The following ST8SIA4 variants were observed in gnomAD, a reference collection of about 807,000 sequenced individuals.
ST8SIA4 encodes the protein ST8 alpha-N-acetyl-neuraminide alpha-2,8-sialyltransferase 4.
In ST8SIA4, 15 loss-of-function variants were observed where a neutral mutation model predicts 33.9. The ratio of observed to expected loss-of-function variants is 0.44; its 90% confidence interval spans 0.30 to 0.68. The LOEUF is 0.68. Ranked by LOEUF, ST8SIA4 falls within the 30% of genes least tolerant of loss-of-function variation. ST8SIA4 has a pLI of 0.10. For missense variants in ST8SIA4, 321 were observed against 428.0 expected, an observed-to-expected ratio of 0.75 and a Z score of 2.21; for synonymous variants, 171 against 151.2, an observed-to-expected ratio of 1.13 and a Z score of -0.96.
chr5:100,869,795 G>A (rs944784981), intron 3 of ST8SIA4, among the ~76,000 whole-genome samples: 2 of 152,034 alleles, frequency 1.3e-5, no homozygotes, highest in African/African-American at 4.8e-5. Context: ...TTTTCCCCTT[G>A]AATGTTCTTT....
At chr5:100,872,162 T>C (rs1268138483) in intron 3 of ST8SIA4, among the ~76,000 whole-genome samples, 2 of 152,082 alleles carry the variant, frequency 1.3e-5, no homozygotes, top group Admixed American at 6.6e-5. Context: ...AGGTTTTTCT[T>C]GGAAGTTATA....
At chr5:100,876,774 T>C (rs1405241739) in intron 3 of ST8SIA4, among the ~76,000 whole-genome samples, 4 of 152,052 alleles carry the variant, frequency 2.6e-5, no homozygotes, top group Admixed American at 6.6e-5. Flanking sequence ...TATATGTACA[T>C]GAGACCTAAA....
chr5:100,867,095 T>G (rs1037425906), intron 3 of ST8SIA4, among the ~76,000 whole-genome samples: 1 of 152,094 alleles, frequency 6.6e-6, no homozygotes, highest in Admixed American at 6.5e-5. Context: ...TTCTTAAAAT[T>G]GCACATAGAA....
intron 4 of ST8SIA4, among the ~76,000 whole-genome samples, chr5:100,836,459 A>G (rs1265469296): frequency 6.6e-6 from 1 of 151,968 alleles, no homozygotes; most frequent in Non-Finnish European, 1.5e-5. Context: ...GAGATTTGTC[A>G]TTAGGTACGG....
intron 4 of ST8SIA4, among the ~76,000 whole-genome samples, chr5:100,851,950 ATTAAT>A (rs1204642520): frequency 2.0e-5 from 3 of 151,866 alleles, no homozygotes; most frequent in African/African-American, 4.8e-5. Context: ...TAAAACTGTC[ATTAAT>A]TTAAACAGGT....
At chr5:100,847,654 T>C (rs770729040) in intron 4 of ST8SIA4, among the ~76,000 whole-genome samples, 24 of 152,242 alleles carry the variant, frequency 1.6e-4, no homozygotes, top group Middle Eastern at 3.4e-3. Flanking sequence ...TAAAAAATAT[T>C]CTACCAAAGC....
At chr5:100,819,033 G>T (rs889933239) in intron 4 of ST8SIA4, among the ~76,000 whole-genome samples, 1 of 152,080 alleles carries the variant, frequency 6.6e-6, no homozygotes, top group Non-Finnish European at 1.5e-5. Flanking sequence ...TAGTGAATAC[G>T]TAACTCTCAT....
chr5:100,815,025 A>G (rs1296562758), intron 4 of ST8SIA4, among the ~76,000 whole-genome samples: 3 of 152,036 alleles, frequency 2.0e-5, no homozygotes, highest in Non-Finnish European at 2.9e-5. Context: ...GCATTGATAA[A>G]ATAATGGAAT....
At chr5:100,835,925 C>CA (rs1210066341) in intron 4 of ST8SIA4, among the ~76,000 whole-genome samples, 1 of 152,076 alleles carries the variant, frequency 6.6e-6, no homozygotes, top group Non-Finnish European at 1.5e-5. Context: ...CAAGGTAAGG[C>CA]ATAATAAGAT....
At chr5:100,866,611 C>A (rs1009945586) in intron 3 of ST8SIA4, among the ~76,000 whole-genome samples, 2 of 144,572 alleles carry the variant, frequency 1.4e-5, no homozygotes, top group Admixed American at 7.0e-5. Flanking sequence ...CACACACACA[C>A]AAATACATAT....
chr5:100,902,743 A>C (rs1411611620), intron 1 of ST8SIA4, 100 bp downstream of exon 1: 1 of 1,050,136 alleles, frequency 9.5e-7, no homozygotes, highest in African/African-American at 1.6e-5. Context: ...AAGCTCAAAC[A>C]AACACACATG....
chr5:100,902,732 C>T, intron 1 of ST8SIA4, 111 bp downstream of exon 1: 1 of 931,800 alleles, frequency 1.1e-6, no homozygotes, highest in Non-Finnish European at 1.7e-6. Flanking sequence ...TAACCACGCG[C>T]AAGCTCAAAC....
intron 4 of ST8SIA4, among the ~76,000 whole-genome samples, chr5:100,847,605 G>A (rs1316593156): frequency 6.6e-6 from 1 of 152,030 alleles, no homozygotes; most frequent in African/African-American, 2.4e-5. Context: ...GTTGATGGAT[G>A]ATGTGTGAAA....
chr5:100,869,385 C>T (rs1057234859), intron 3 of ST8SIA4, among the ~76,000 whole-genome samples: 3 of 152,078 alleles, frequency 2.0e-5, no homozygotes, highest in Non-Finnish European at 4.4e-5. Context: ...TTGCTAATGT[C>T]CATTTCATGT....
intron 4 of ST8SIA4, chr5:100,849,377 A>G (rs1751636451): frequency 1.0e-6 from 1 of 985,422 alleles, no homozygotes; most frequent in Non-Finnish European, 1.2e-6. Context: ...TTTCTGCGTA[A>G]TTCTTCAAAA....
At chr5:100,850,123 T>C (rs912287691) in intron 4 of ST8SIA4, among the ~76,000 whole-genome samples, 2 of 152,160 alleles carry the variant, frequency 1.3e-5, no homozygotes, top group Admixed American at 6.5e-5. Flanking sequence ...TTTTGCACCA[T>C]ATTACTACAC....
chr5:100,849,572 G>T (rs988939328), intron 4 of ST8SIA4: 3 of 480,276 alleles, frequency 6.2e-6, no homozygotes, highest in African/African-American at 4.2e-5. Flanking sequence ...ACCTGAGGTT[G>T]CAGTTCGAGA....
chr5:100,863,681 AAAT>A (rs1352567351), intron 3 of ST8SIA4, among the ~76,000 whole-genome samples: 2 of 152,222 alleles, frequency 1.3e-5, no homozygotes, highest in African/African-American at 4.8e-5. Context: ...GTCTTGAAAT[AAAT>A]AATAAGAGGA....
At position 100,882,785 on chromosome 5, in the gene ST8SIA4, C is replaced by A. The variant is rs1673534199; in HGVS notation, c.503+3558G>T. Among the ~76,000 whole-genome samples, 6 of 152,314 alleles carry A rather than the reference C, an allele frequency of 3.9e-5. No homozygotes were observed. In the South Asian group the frequency reaches 1.2e-3, roughly 32 times the overall value. ...GGCTGTGGCTTCAGAGGGTGTAAGC[C>A]CGAAGCCTTTGCAGCTCCCATAAGG... On this transcript the variant is annotated intron_variant, in intron 3 of 4. Coordinates refer to ENST00000231461, the MANE Select transcript of ST8SIA4 (RefSeq NM_005668.6).
Sources: allele counts gnomAD v4.1 joint callset (sites outside exome capture counted in the v4.1 genomes callset), GRCh38; gene constraint gnomAD v4.1.1; transcripts MANE v1.5; gene names NCBI Gene and HGNC (gene_info 2026-07-23, HGNC 2026-07-21).